Variants in RSRC1 observed in about 807,000 individuals in gnomAD.
RSRC1 encodes serine/Arginine-related protein 53.
In RSRC1, 39 loss-of-function variants were observed where a neutral mutation model predicts 49.1. The ratio of observed to expected loss-of-function variants is 0.79; its 90% confidence interval spans 0.61 to 1.04. The LOEUF (loss-of-function observed/expected upper bound fraction) is 1.04, where lower values mean the gene tolerates loss of function less well. Among genes scored for constraint, RSRC1 ranks in the 50% least tolerant of loss-of-function variants. The pLI is 0.00. For missense variants in RSRC1, 388 were observed against 402.4 expected, an observed-to-expected ratio of 0.96 and a Z score of 0.31; for synonymous variants, 143 against 130.8, an observed-to-expected ratio of 1.09 and a Z score of -0.63.
chr3:158,131,993 T>C, intron 3 of RSRC1: 1 of 233,088 alleles, frequency 4.3e-6, no homozygotes, highest in Non-Finnish European at 9.4e-6. Context: ...ATATTTTATT[T>C]ATTCATTTGA....
At chr3:158,470,574 AT>A (rs1193991444) in intron 7 of RSRC1, among the ~76,000 whole-genome samples, 3 of 152,126 alleles carry the variant, frequency 2.0e-5, no homozygotes, top group Non-Finnish European at 4.4e-5. Context: ...TTCCAGTATA[AT>A]TTAGTTGGTG....
intron 6 of RSRC1, among the ~76,000 whole-genome samples, chr3:158,407,660 G>A (rs1452834601): frequency 6.6e-6 from 1 of 152,086 alleles, no homozygotes; most frequent in African/African-American, 2.4e-5. Context: ...AAAGGAGACA[G>A]ATTTAAGTTC....
rs1491469875 is a variant in RSRC1 at position 158,118,462 on chromosome 3, T to TGTGTGTGTGTGTGCGCGC, written c.-2-3640_-2-3639insTGTGTGTGTGTGCGCGCG. On this transcript the variant is annotated intron_variant, in intron 1 of 9. Coordinates refer to ENST00000611884, the MANE Select transcript of RSRC1 (RefSeq NM_001271838.2). ...GTGTGTGTGTGTGTGTGTGTGTGTG[T>TGTGTGTGTGTGTGCGCGC]GCGCGTGCGCGTGGTTTTTTTAAAT... Among the ~76,000 whole-genome samples, 193 of 124,694 alleles carry TGTGTGTGTGTGTGCGCGC rather than the reference T, an allele frequency of 1.5e-3. 3 individuals are homozygous for TGTGTGTGTGTGTGCGCGC. The highest frequency in any genetic ancestry group is 3.7e-3 in the East Asian group (14 of 3,774). 81.8% of individuals were successfully genotyped at this position (124,694 alleles called of 152,430 possible). A position where few individuals can be genotyped will look rare whatever the true frequency, so the allele number is the denominator to read the frequency against.
chr3:158,262,027 T>C (rs1445969941), intron 4 of RSRC1, among the ~76,000 whole-genome samples: 1 of 152,242 alleles, frequency 6.6e-6, no homozygotes, highest in African/African-American at 2.4e-5. Flanking sequence ...TCGTCTTTCA[T>C]GAAACCTGGT....
chr3:158,179,389 T>C lies in RSRC1; in HGVS notation c.321-23683T>C, dbSNP rs76798619. Among the ~76,000 whole-genome samples the C allele has an allele frequency of 3.9e-3, 594 of 152,294 alleles. 4 individuals carry two copies. The highest frequency in any genetic ancestry group is 0.013 in the African/African-American group (558 of 41,560). ...AGTGCCCTCTTTTGGCAAACTCACT[T>C]TTCTTTTGCTTTTAGACCCCCTTTG... is the stretch of plus-strand genomic sequence containing the variant. On this transcript the variant is annotated intron_variant, in intron 3 of 9. Coordinates refer to ENST00000611884, the MANE Select transcript of RSRC1 (RefSeq NM_001271838.2).
chr3:158,461,010 G>T lies in RSRC1; in HGVS notation c.652+7G>T. ...AAGAGAAGAAAGGAGGAAGGTAAAG[G>T]CATGTGTTCATTTTTCTCTGAGAAA... On this transcript the variant is annotated splice_region_variant and intron_variant, in intron 7 of 9. Transcript: ENST00000611884. 1.1e-5 allele frequency: 18 copies of T among 1,589,736 alleles called. No homozygotes were observed. The highest frequency in any genetic ancestry group is 1.5e-5 in the Non-Finnish European group (17 of 1,163,784).
rs566313811 is a variant in RSRC1, at chr3:158,357,992, C to T, written c.583+3084C>T. On this transcript the variant is annotated intron_variant, in intron 6 of 9. Transcript: ENST00000611884. ...AAAGTTTTATATTTAACTATTGCAT[C>T]GTAATTGATATTAGTAAATGTTAAT... Among the ~76,000 whole-genome samples the T allele has an allele frequency of 1.1e-3, 173 of 152,178 alleles. 1 individual carries two copies. The highest frequency in any genetic ancestry group is 4.0e-3 in the African/African-American group (168 of 41,510).
At chr3:158,114,089 G>T (rs573774702) in intron 1 of RSRC1, among the ~76,000 whole-genome samples, 1 of 152,120 alleles carries the variant, frequency 6.6e-6, no homozygotes, top group African/African-American at 2.4e-5. Flanking sequence ...GTCCTGTATG[G>T]TATTGCCTAG....
intron 7 of RSRC1, among the ~76,000 whole-genome samples, chr3:158,519,750 A>T (rs769778123): frequency 1.3e-5 from 2 of 152,178 alleles, no homozygotes; most frequent in African/African-American, 4.8e-5. Context: ...GATGTGGCAT[A>T]TGAGTCTAAA....
chr3:158,513,327 G>T (rs550484494), intron 7 of RSRC1, among the ~76,000 whole-genome samples: 64 of 152,058 alleles, frequency 4.2e-4, no homozygotes, highest in African/African-American at 1.4e-3. Flanking sequence ...TAGCATGAAG[G>T]GTTGTTGAAT....
rs1733788301 is a variant in RSRC1, at chr3:158,399,423, T to C, written c.583+44515T>C. On this transcript the variant is annotated intron_variant, in intron 6 of 9. Coordinates refer to ENST00000611884, the MANE Select transcript of RSRC1 (RefSeq NM_001271838.2). ...CGCCCGCCTCGGCCTCCCAAAGTGC[T>C]GGGATTACAGGCGTGAGCCACCGCG... 1.4e-5 allele frequency among the ~76,000 whole-genome samples: 2 copies of C among 147,694 alleles called. 1 individual carries two copies.
chr3:158,199,024 G>T (rs185994826), intron 3 of RSRC1, among the ~76,000 whole-genome samples: 2 of 152,134 alleles, frequency 1.3e-5, no homozygotes, highest in East Asian at 1.9e-4. Context: ...TAATTTCCAC[G>T]TGTGGTGGGA....
intron 9 of RSRC1, 138 bp from the exon 10 acceptor site, chr3:158,544,043 TTA>T: frequency 1.7e-6 from 1 of 590,244 alleles, no homozygotes; most frequent in East Asian, 2.8e-5. Context: ...TAGTCATCAA[TTA>T]AGAGGTCATC....
intron 4 of RSRC1, among the ~76,000 whole-genome samples, chr3:158,229,408 G>A (rs867095726): frequency 1.4e-5 from 2 of 143,620 alleles, no homozygotes; most frequent in African/African-American, 2.6e-5. Flanking sequence ...ACATACACAC[G>A]TATATGTGTA....
intron 3 of RSRC1, 29 bp from the exon 4 acceptor site, chr3:158,203,043 G>C: frequency 6.4e-7 from 1 of 1,558,990 alleles, no homozygotes; most frequent in Non-Finnish European, 8.8e-7. Context: ...TATACACTAA[G>C]TTTATTTAAC....
chr3:158,494,697 T>C, intron 7 of RSRC1, among the ~76,000 whole-genome samples: 1 of 152,236 alleles, frequency 6.6e-6, no homozygotes, highest in East Asian at 1.9e-4. Context: ...TGCAGTTTTT[T>C]TTAACTGTTT....
intron 3 of RSRC1, among the ~76,000 whole-genome samples, chr3:158,196,596 C>T (rs1370417574): frequency 2.0e-5 from 3 of 152,144 alleles, no homozygotes; most frequent in Non-Finnish European, 4.4e-5. Context: ...AAAGGGAATG[C>T]TTCCAGTTTT....
chr3:158,345,809 CACAT>C (rs1730523780), intron 5 of RSRC1, among the ~76,000 whole-genome samples: 1 of 148,124 alleles, frequency 6.8e-6, no homozygotes, highest in African/African-American at 2.5e-5. Context: ...ATGTATTACA[CACAT>C]ATATATGCAT....
intron 7 of RSRC1, among the ~76,000 whole-genome samples, chr3:158,509,407 A>C (rs934156864): frequency 6.6e-6 from 1 of 152,178 alleles, no homozygotes; most frequent in Non-Finnish European, 1.5e-5. Flanking sequence ...TGAATTCTTC[A>C]ATCTTTTCTA....
Sources: allele counts gnomAD v4.1 joint callset (sites outside exome capture counted in the v4.1 genomes callset), GRCh38; gene constraint gnomAD v4.1.1; transcripts MANE v1.5; gene names NCBI Gene and HGNC (gene_info 2026-07-23, HGNC 2026-07-21).